The following ZNF676 variants were observed in gnomAD, a reference collection of about 807,000 sequenced individuals.
The protein encoded by ZNF676 is zinc finger protein 676.
A neutral mutation model predicts 6.0 loss-of-function variants in ZNF676; 4 were observed. The observed-to-expected ratio is 0.67, with a 90% CI of 0.33 to 1.53. The LOEUF (loss-of-function observed/expected upper bound fraction) is 1.53, where lower values mean the gene tolerates loss of function less well. ZNF676 is among the 40% of genes most tolerant of loss of function. The pLI is 0.06. For synonymous variants in ZNF676, 198 were observed against 223.1 expected (o/e 0.89, Z 1.00); for missense variants, 644 against 679.7 (o/e 0.95, Z 0.58).
chr19:22,233,297 T>C, the ZNF676 span, among the ~76,000 whole-genome samples: 3 of 151,540 alleles, frequency 2.0e-5, no homozygotes, highest in Non-Finnish European at 4.4e-5. Flanking sequence ...GTGTGAGCCA[T>C]CTCACCCGGC....
chr19:22,199,263 T>TC (rs1347152136), upstream of ZNF676, among the ~76,000 whole-genome samples: 1 of 152,216 alleles, frequency 6.6e-6, no homozygotes, highest in African/African-American at 2.4e-5. Flanking sequence ...CCCACTGGGC[T>TC]TATTATTAGC....
At chr19:22,240,924 G>T in the ZNF676 span, among the ~76,000 whole-genome samples, 1 of 151,986 alleles carries the variant, frequency 6.6e-6, no homozygotes, top group Admixed American at 6.5e-5. Flanking sequence ...ATTTCATAAT[G>T]TCCCCTGTAG....
intron 1 of ZNF676, among the ~76,000 whole-genome samples, chr19:22,212,459 G>C (rs913411991): frequency 1.3e-5 from 2 of 152,112 alleles, no homozygotes; most frequent in Non-Finnish European, 2.9e-5. Context: ...CCAGCACTTT[G>C]GGAGGCCAAG....
At chr19:22,209,470 GA>G (rs2024109147) in intron 1 of ZNF676, among the ~76,000 whole-genome samples, 1 of 152,010 alleles carries the variant, frequency 6.6e-6, no homozygotes. Context: ...CATGAACACA[GA>G]GGGGAAAAAA....
chr19:22,255,616 T>C, the ZNF676 span, among the ~76,000 whole-genome samples: 10 of 152,096 alleles, frequency 6.6e-5, no homozygotes, highest in South Asian at 2.1e-4. Flanking sequence ...GAGGCTGAGG[T>C]GGGTGAATCA....
intron 1 of ZNF676, among the ~76,000 whole-genome samples, chr19:22,205,269 T>G (rs535661926): frequency 4.3e-4 from 66 of 152,202 alleles, no homozygotes; most frequent in Admixed American, 1.1e-3. Flanking sequence ...AACAACAATA[T>G]TAGGACCTGA....
chr19:22,191,256 A>G (rs2023903294), intron 2 of ZNF676, among the ~76,000 whole-genome samples: 1 of 152,196 alleles, frequency 6.6e-6, no homozygotes, highest in African/African-American at 2.4e-5. Flanking sequence ...GCAAGCTTTC[A>G]TTCAGGTGGC....
chr19:22,251,511 C>T, the ZNF676 span, among the ~76,000 whole-genome samples: 1 of 152,132 alleles, frequency 6.6e-6, no homozygotes, highest in Admixed American at 6.5e-5. Context: ...GATCAGGCAC[C>T]AGGCACGGTG....
At chr19:22,229,602 A>G in the ZNF676 span, among the ~76,000 whole-genome samples, 3 of 152,226 alleles carry the variant, frequency 2.0e-5, no homozygotes, top group Non-Finnish European at 4.4e-5. Flanking sequence ...CAATCTATCC[A>G]TCTGACAAAG....
At chr19:22,241,358 T>TC in the ZNF676 span, among the ~76,000 whole-genome samples, 10 of 151,848 alleles carry the variant, frequency 6.6e-5, 1 homozygote, top group African/African-American at 2.4e-4. Context: ...AAAGACCCAA[T>TC]CCCTCCTGAA....
chr19:22,253,399 A>ATATATATAT, the ZNF676 span, among the ~76,000 whole-genome samples: 1 of 40,896 alleles, frequency 2.4e-5, no homozygotes, highest in Non-Finnish European at 5.3e-5. Context: ...TATATATGAT[A>ATATATATAT]ATGTGTATAT....
chr19:22,239,237 T>A, the ZNF676 span, among the ~76,000 whole-genome samples: 3 of 148,502 alleles, frequency 2.0e-5, no homozygotes, highest in Admixed American at 2.0e-4. Context: ...AGTCTCGCTG[T>A]GTCACCCAGG....
intron 1 of ZNF676, among the ~76,000 whole-genome samples, chr19:22,213,010 GA>G (rs1046076467): frequency 2.6e-5 from 4 of 151,622 alleles, no homozygotes; most frequent in African/African-American, 7.3e-5. Context: ...AAAAGAAGAA[GA>G]AAAAAAACTA....
the ZNF676 span, among the ~76,000 whole-genome samples, chr19:22,260,255 A>C: frequency 6.6e-6 from 1 of 152,188 alleles, no homozygotes; most frequent in African/African-American, 2.4e-5. Flanking sequence ...TCACACCTGT[A>C]ATCCCAGCAA....
chr19:22,191,051 G>A (rs1266401153), intron 2 of ZNF676, among the ~76,000 whole-genome samples: 2 of 152,104 alleles, frequency 1.3e-5, no homozygotes, highest in African/African-American at 2.4e-5. Context: ...AGACATCATG[G>A]TTAACATCTG....
the ZNF676 span, among the ~76,000 whole-genome samples, chr19:22,236,664 T>C: frequency 1.3e-5 from 2 of 152,212 alleles, no homozygotes; most frequent in East Asian, 1.9e-4. Flanking sequence ...AGTCTGGAAA[T>C]TGATTGAGGG....
chr19:22,247,982 T>C, the ZNF676 span, among the ~76,000 whole-genome samples: 1 of 148,658 alleles, frequency 6.7e-6, no homozygotes, highest in African/African-American at 2.5e-5. Flanking sequence ...CACCTATGAG[T>C]GAGAACATGC....
At chr19:22,260,285 C>T in the ZNF676 span, among the ~76,000 whole-genome samples, 250 of 152,214 alleles carry the variant, frequency 1.6e-3, no homozygotes, top group African/African-American at 5.3e-3. Flanking sequence ...CTGAGGTAGA[C>T]GGATCACCTG....
At chr19:22,207,363 C>T (rs1043541251) in intron 1 of ZNF676, among the ~76,000 whole-genome samples, 3 of 152,172 alleles carry the variant, frequency 2.0e-5, no homozygotes, top group African/African-American at 4.8e-5. Flanking sequence ...AAAAGAATAA[C>T]ATATCTAGAA....
Sources: gnomAD v4.1 joint callset for allele counts (sites outside exome capture counted in the v4.1 genomes callset) on GRCh38, gnomAD v4.1.1 for gene constraint, MANE v1.5 for transcripts, NCBI Gene and HGNC (gene_info 2026-07-23, HGNC 2026-07-21) for gene names.